The following WWOX variants were observed in gnomAD, a reference collection of about 807,000 sequenced individuals.
WWOX encodes the protein WW domain-containing oxidoreductase.
Under a neutral mutation model 46.2 loss-of-function variants are expected in WWOX, and 69 were observed. That is an observed-to-expected ratio of 1.49 (90% CI 1.23 to 1.82). The LOEUF (loss-of-function observed/expected upper bound fraction) is 1.82, where lower values mean the gene tolerates loss of function less well. Ranked by LOEUF, WWOX falls within the 40% of genes most tolerant of loss-of-function variation. WWOX has a pLI of 0.00. For missense variants in WWOX, 919 were observed against 542.6 expected (o/e 1.69, Z -6.89); for synonymous variants, 359 against 202.6 (o/e 1.77, Z -6.56).
chr16:78,854,374 T>C (rs1240272199), intron 8 of WWOX, among the ~76,000 whole-genome samples: 1 of 152,224 alleles, frequency 6.6e-6, no homozygotes, highest in African/African-American at 2.4e-5. Flanking sequence ...TAGCACCAAA[T>C]GTTTGAAATT....
intron 8 of WWOX, among the ~76,000 whole-genome samples, chr16:79,108,235 C>G (rs924414980): frequency 6.6e-6 from 1 of 152,230 alleles, no homozygotes; most frequent in Non-Finnish European, 1.5e-5. Context: ...TGACTAGACC[C>G]TCTTACAAGC....
chr16:78,338,803 A>T (rs1208555411), intron 5 of WWOX, among the ~76,000 whole-genome samples: 1 of 118,748 alleles, frequency 8.4e-6, no homozygotes, highest in Non-Finnish European at 2.0e-5. Flanking sequence ...TATGCCATTC[A>T]TTCATTCTAT....
intron 8 of WWOX, chr16:78,891,127 A>G (rs2044581068): frequency 6.6e-6 from 1 of 152,172 alleles, no homozygotes. Context: ...TCAAAACTGA[A>G]ATTGTTTAAA....
At chr16:78,693,543 A>G (rs892083941) in intron 8 of WWOX, among the ~76,000 whole-genome samples, 3 of 152,334 alleles carry the variant, frequency 2.0e-5, no homozygotes, top group African/African-American at 7.2e-5. Context: ...ACACAGAACC[A>G]AATAGTCATA....
In WWOX at chr16:78,172,613, A is replaced by G. The variant is rs918526029; in HGVS notation, c.516+8324A>G. 3.6e-5 allele frequency among the ~76,000 whole-genome samples: 5 copies of G among 139,022 alleles called. No homozygotes were observed. In the Admixed American group the frequency reaches 3.7e-4, roughly 10 times the overall value. The allele number at this position is 139,022 out of a possible 152,430, so 91.2% of individuals were successfully genotyped here. A position where few individuals can be genotyped will look rare whatever the true frequency, so the allele number is the denominator to read the frequency against. On this transcript the variant is annotated intron_variant, in intron 5 of 8. Coordinates refer to ENST00000566780, the MANE Select transcript of WWOX (RefSeq NM_016373.4). ...CTCCTTTTTTTTTTTTTTCCTGGCC[A>G]CCGCTCGCAGTCTTGAACCGAATCT...
At chr16:79,076,646 G>T (rs1052724368) in intron 8 of WWOX, among the ~76,000 whole-genome samples, 2 of 152,120 alleles carry the variant, frequency 1.3e-5, no homozygotes, top group Admixed American at 6.5e-5. Context: ...CTAGGTAGGC[G>T]GTATGGGAAG....
intron 8 of WWOX, among the ~76,000 whole-genome samples, chr16:78,522,683 C>A (rs550224157): frequency 1.1e-4 from 16 of 152,320 alleles, no homozygotes; most frequent in Non-Finnish European, 1.6e-4. Flanking sequence ...GATGCTCTTG[C>A]TAGCTTTGGT....
chr16:78,801,971 T>G (rs2050902651), intron 8 of WWOX, among the ~76,000 whole-genome samples: 1 of 152,174 alleles, frequency 6.6e-6, no homozygotes, highest in Non-Finnish European at 1.5e-5. Context: ...AGAATCTGCC[T>G]TGCAGAGAAT....
intron 6 of WWOX, among the ~76,000 whole-genome samples, chr16:78,416,102 C>T (rs926527563): frequency 5.3e-5 from 8 of 152,122 alleles, no homozygotes; most frequent in Admixed American, 2.6e-4. Flanking sequence ...AGAATCCACC[C>T]AAGAAGAAGA....
chr16:78,478,197 A>C (rs541488529), intron 8 of WWOX, among the ~76,000 whole-genome samples: 4 of 152,236 alleles, frequency 2.6e-5, no homozygotes, highest in Non-Finnish European at 5.9e-5. Context: ...TATAAATGAT[A>C]AATACAAGTA....
chr16:78,709,722 G>T (rs558914489), intron 8 of WWOX, among the ~76,000 whole-genome samples: 2 of 142,288 alleles, frequency 1.4e-5, no homozygotes, highest in South Asian at 2.3e-4. Flanking sequence ...TTCTTCCAAA[G>T]CAACAGTAAG....
At chr16:78,571,859 C>T (rs1440834069) in intron 8 of WWOX, among the ~76,000 whole-genome samples, 1 of 152,010 alleles carries the variant, frequency 6.6e-6, no homozygotes, top group African/African-American at 2.4e-5. Flanking sequence ...GAGCTAGATT[C>T]CATCTCAAAA....
At chr16:78,925,898 T>A (rs2045486158) in intron 8 of WWOX, among the ~76,000 whole-genome samples, 1 of 152,074 alleles carries the variant, frequency 6.6e-6, no homozygotes, top group Non-Finnish European at 1.5e-5. Context: ...TTGCCTCCCT[T>A]CAGAATGAAG....
At chr16:78,471,341 C>T (rs77000200) in intron 8 of WWOX, among the ~76,000 whole-genome samples, 361 of 152,254 alleles carry the variant, frequency 2.4e-3, no homozygotes, top group South Asian at 3.9e-3. Flanking sequence ...GGATGCTTTG[C>T]GAATGTAACA....
At chr16:79,028,422 C>T (rs536418858) in intron 8 of WWOX, among the ~76,000 whole-genome samples, 3 of 151,818 alleles carry the variant, frequency 2.0e-5, no homozygotes, top group East Asian at 3.9e-4. Context: ...CAGTGTACAG[C>T]GCTTATCTGT....
At position 78,946,516 on chromosome 16, in the gene WWOX, A is replaced by G. The variant is rs186227033; in HGVS notation, c.1057-265092A>G. 4.6e-5 allele frequency among the ~76,000 whole-genome samples: 7 copies of G among 152,206 alleles called. No homozygotes were observed. The East Asian group carries it at 1.4e-3, about 29-fold the overall frequency. Reference sequence around the variant, plus strand: ...TCTTTCTGTTTCAAAGAAATAGTCAAGAAGTTTCTAGATGCACACAAAATG... The same window carrying G: ...TCTTTCTGTTTCAAAGAAATAGTCAGGAAGTTTCTAGATGCACACAAAATG... On this transcript the variant is annotated intron_variant, in intron 8 of 8. Transcript: ENST00000566780.
intron 8 of WWOX, among the ~76,000 whole-genome samples, chr16:78,614,116 C>A (rs1392326579): frequency 6.6e-6 from 1 of 152,190 alleles, no homozygotes. Context: ...TAATTAAGCA[C>A]ATGAATATCT....
intron 8 of WWOX, among the ~76,000 whole-genome samples, chr16:79,185,956 G>A (rs2051005663): frequency 6.6e-6 from 1 of 151,734 alleles, no homozygotes; most frequent in African/African-American, 2.4e-5. Context: ...GTGTGTGTGT[G>A]TGTGTGCATG....
intron 5 of WWOX, among the ~76,000 whole-genome samples, chr16:78,194,571 G>C (rs1242226506): frequency 1.4e-5 from 2 of 140,012 alleles, no homozygotes; most frequent in Non-Finnish European, 3.0e-5. Context: ...CTGGGCGACA[G>C]AGTGAGACTC....
Sources: allele counts gnomAD v4.1 joint callset (sites outside exome capture counted in the v4.1 genomes callset), GRCh38; gene constraint gnomAD v4.1.1; transcripts MANE v1.5; gene names NCBI Gene and HGNC (gene_info 2026-07-23, HGNC 2026-07-21).